LITAF: variants seen among roughly 807,000 people sequenced by gnomAD.
The protein encoded by LITAF is lipopolysaccharide induced TNF factor, also known as lipopolysaccharide-induced tumor necrosis factor-alpha factor.
LITAF carries 9 observed loss-of-function variants against 14.5 expected under a neutral mutation model. The ratio of observed to expected loss-of-function variants is 0.62; its 90% confidence interval spans 0.37 to 1.08. The LOEUF is 1.08. LITAF is among the 50% of genes least tolerant of loss of function. The pLI is 0.01. For synonymous variants in LITAF, 98 were observed against 88.2 expected, an observed-to-expected ratio of 1.11 and a Z score of -0.62; for missense variants, 206 against 213.4, an observed-to-expected ratio of 0.97 and a Z score of 0.22.
chr16:11,589,917 C>CATT (rs1320139881), upstream of LITAF, among the ~76,000 whole-genome samples: 3 of 128,900 alleles, frequency 2.3e-5, no homozygotes, highest in Non-Finnish European at 4.8e-5. Flanking sequence ...AGGCACCACA[C>CATT]CCAGCCAGTT....
chr16:11,592,895 G>T (rs1005410583), intron 1 of LITAF, among the ~76,000 whole-genome samples: 8 of 152,146 alleles, frequency 5.3e-5, no homozygotes, highest in African/African-American at 1.4e-4. Flanking sequence ...AATTGGCCGG[G>T]TGTGGTGGCT....
Position 11,605,052 on chromosome 16 carries a change from A to G in LITAF, c.85+28481T>C, listed in dbSNP as rs1340639412. ...CCTACTCCAGGAATCGGCCAGGACC[A>G]CTGCTGGACGTGGGGCACTTGAATG... On this transcript the variant is annotated intron_variant, in intron 3 of 3. Coordinates refer to the LITAF transcript ENST00000574848. This position sits in a 1 kb window ranked among gnomAD's most constrained non-coding sequence, Gnocchi z 4.7. Among the ~76,000 whole-genome samples the G allele has an allele frequency of 6.6e-6, 1 of 152,172 alleles. No homozygotes were observed. The highest frequency in any genetic ancestry group is 1.9e-4 in the East Asian group (1 of 5,202).
At position 11,553,882 on chromosome 16, in the gene LITAF, C is replaced by T. The variant is rs1269653147; in HGVS notation, c.221-193G>A. The T allele has an allele frequency of 4.9e-6, 3 of 607,900 alleles. No homozygotes were observed. The highest frequency in any genetic ancestry group is 5.8e-6 in the Non-Finnish European group (2 of 342,570). 37.7% of individuals were successfully genotyped at this position (607,900 alleles called of 1,614,324 possible). A position where few individuals can be genotyped will look rare whatever the true frequency, so the allele number is the denominator to read the frequency against. On this transcript the variant is annotated intron_variant, in intron 2 of 3. Coordinates refer to ENST00000622633, the MANE Select transcript of LITAF (RefSeq NM_001136472.2). The surrounding 1 kb of genome is among the most constrained non-coding windows in gnomAD (Gnocchi z 7.7). ...AGGAACACCAGTGTCCATCGACGGA[C>T]CAATAAACTAACACAGCGAAGTTTA...
intron 1 of LITAF, among the ~76,000 whole-genome samples, chr16:11,574,861 G>T (rs1242969738): frequency 7.5e-6 from 1 of 134,000 alleles, no homozygotes; most frequent in Non-Finnish European, 1.6e-5. Context: ...GGAATGCAGT[G>T]GCGTGACCTT....
intron 3 of LITAF, among the ~76,000 whole-genome samples, chr16:11,611,497 T>C (rs1010232101): frequency 3.3e-5 from 5 of 152,218 alleles, no homozygotes; most frequent in Non-Finnish European, 7.3e-5. Context: ...ATCCTGCATT[T>C]TTATTTACTA....
intron 3 of LITAF, among the ~76,000 whole-genome samples, chr16:11,621,036 C>T (rs981849870): frequency 5.3e-5 from 8 of 151,868 alleles, no homozygotes; most frequent in Admixed American, 2.6e-4. Context: ...GCTGGGACTA[C>T]AGGCGCACTC....
At chr16:11,624,657 T>C (rs2065072480) in intron 3 of LITAF, among the ~76,000 whole-genome samples, 1 of 152,188 alleles carries the variant, frequency 6.6e-6, no homozygotes, top group South Asian at 2.1e-4. Flanking sequence ...CACCCTATGT[T>C]TACAGATTTA....
At chr16:11,602,727 G>A (rs926104306), upstream of LITAF, among the ~76,000 whole-genome samples, 1 of 146,146 alleles carries the variant, frequency 6.8e-6, no homozygotes, top group Admixed American at 7.0e-5. Context: ...TGTGTACCAG[G>A]TTGTAAGATC....
intron 3 of LITAF, among the ~76,000 whole-genome samples, chr16:11,625,777 C>T (rs1202218767): frequency 6.6e-6 from 1 of 152,250 alleles, no homozygotes; most frequent in African/African-American, 2.4e-5. Context: ...TGTGTGCCCG[C>T]GCTGGAGACA....
At chr16:11,600,055 G>A (rs2064917773), upstream of LITAF, among the ~76,000 whole-genome samples, 1 of 152,080 alleles carries the variant, frequency 6.6e-6, no homozygotes, top group Non-Finnish European at 1.5e-5. This position sits in a 1 kb window ranked among gnomAD's most constrained non-coding sequence, Gnocchi z 4.1. Context: ...GAGTGCAGTG[G>A]CGTGATCATA....
chr16:11,553,954 G>C lies in LITAF; in HGVS notation c.221-265C>G, dbSNP rs1207617140. Among the ~76,000 whole-genome samples the C allele has an allele frequency of 2.0e-5, 3 of 152,194 alleles. No individual in the cohort carries two copies. Among genetic ancestry groups the C allele is most frequent in the Non-Finnish European group, 4.4e-5 (3 of 68,042 alleles). ...CAGCCTCAAAAAGAAAGGAGGACCG[G>C]GCGCGGTAGCTCATGCCTGTAATCC... is the stretch of plus-strand genomic sequence containing the variant. On this transcript the variant is annotated intron_variant, in intron 2 of 3. Transcript: ENST00000622633. The surrounding 1 kb of genome is among the most constrained non-coding windows in gnomAD (Gnocchi z 7.7).
chr16:11,597,241 G>T (rs1290674830), intron 1 of LITAF, among the ~76,000 whole-genome samples: 1 of 152,128 alleles, frequency 6.6e-6, no homozygotes, highest in Non-Finnish European at 1.5e-5. Context: ...TGACTTTGGG[G>T]TCATCTACTG....
At chr16:11,551,715 CCAGGTACT>C in intron 3 of LITAF, 11 of 669,446 alleles carry the variant, frequency 1.6e-5, no homozygotes, top group Middle Eastern at 3.5e-4. Flanking sequence ...ACCTGTGGTC[CCAGGTACT>C]CAGGAGGCTG....
chr16:11,585,739 A>ACAC (rs1257698565), intron 1 of LITAF, among the ~76,000 whole-genome samples: 2 of 152,282 alleles, frequency 1.3e-5, no homozygotes, highest in East Asian at 3.9e-4. Flanking sequence ...TGGGCTTCAG[A>ACAC]CAGTCTTTGA....
chr16:11,638,005 T>A (rs1273552602), upstream of LITAF, among the ~76,000 whole-genome samples: 71 of 60,394 alleles, frequency 1.2e-3, 19 homozygotes, highest in African/African-American at 8.8e-3. Flanking sequence ...TATATATATC[T>A]ATATATATCT....
At chr16:11,567,714 G>T (rs2141770693) in intron 1 of LITAF, among the ~76,000 whole-genome samples, 1 of 152,248 alleles carries the variant, frequency 6.6e-6, no homozygotes, top group East Asian at 1.9e-4. Flanking sequence ...GCCGGGCATG[G>T]TGGCTCACGC....
rs1048857606 is a variant in LITAF, at chr16:11,605,196, C to T, written c.85+28337G>A. Among the ~76,000 whole-genome samples, 1 of 152,196 alleles carries T rather than the reference C, an allele frequency of 6.6e-6. No homozygotes were observed. Among genetic ancestry groups the T allele is most frequent in the Non-Finnish European group, 1.5e-5 (1 of 68,032 alleles). ...GCCCAAGCTCTCAGCATCCCCCCAGCCAGCTCTGGATGGAGGATGAGCTGA... is the reference window on the plus strand; with the variant it reads ...GCCCAAGCTCTCAGCATCCCCCCAGTCAGCTCTGGATGGAGGATGAGCTGA... On this transcript the variant is annotated intron_variant, in intron 3 of 3. Coordinates refer to the LITAF transcript ENST00000574848. The surrounding 1 kb of genome is among the most constrained non-coding windows in gnomAD (Gnocchi z 4.7).
chr16:11,606,229 C>G (rs573549264), intron 3 of LITAF, among the ~76,000 whole-genome samples: 204 of 152,224 alleles, frequency 1.3e-3, no homozygotes, highest in African/African-American at 4.6e-3. Context: ...AGTGCAGTGG[C>G]ATGATCTCGG....
Position 11,553,538 on chromosome 16 carries a change from C to T in LITAF, c.372G>A (p.Leu124=). Residue 124 remains leucine (L), a synonymous_variant, in exon 3 of 4, where the codon CTG becomes CTA. Transcript: ENST00000622633. The surrounding 1 kb of genome is among the most constrained non-coding windows in gnomAD (Gnocchi z 7.7). ...CAAGTGGGAGGCAGACTCACCCCAG[C>T]AGGCACAGGCTCCCGCAGGACAGCC... ...LTWLSCGSLC[L]LGCIAGCCFI... is the part of the protein sequence containing the mutation. The T allele has an allele frequency of 6.2e-7, 1 of 1,614,032 alleles. No individual in the cohort carries two copies. The highest frequency in any genetic ancestry group is 8.5e-7 in the Non-Finnish European group (1 of 1,180,024).
Sources: allele counts gnomAD v4.1 joint callset (sites outside exome capture counted in the v4.1 genomes callset), GRCh38; gene constraint gnomAD v4.1.1; non-coding constraint Gnocchi (gnomAD v3.1); transcripts MANE v1.5; gene names NCBI Gene and HGNC (gene_info 2026-07-23, HGNC 2026-07-21).